The following NXPE4 variants were observed in gnomAD, a reference collection of about 807,000 sequenced individuals.
NXPE4 encodes the protein neurexophilin and PC-esterase domain family member 4.
In NXPE4, 42 loss-of-function variants were observed where a neutral mutation model predicts 33.3. The observed-to-expected ratio is 1.26, with a 90% CI of 0.98 to 1.63. The LOEUF (loss-of-function observed/expected upper bound fraction) is 1.63. Ranked by LOEUF, NXPE4 falls within the 40% of genes most tolerant of loss-of-function variation. NXPE4 has a pLI of 0.00. For synonymous variants in NXPE4, 253 were observed against 234.9 expected (o/e 1.08, Z -0.71); for missense variants, 709 against 647.6 (o/e 1.09, Z -1.03).
chr11:114,642,052 A>G, the NXPE4 span, among the ~76,000 whole-genome samples: 1 of 152,122 alleles, frequency 6.6e-6, no homozygotes, highest in Non-Finnish European at 1.5e-5. Context: ...TTCTTTCCAA[A>G]GAATACAGCA....
At chr11:114,581,840 A>C (rs745728625) in intron 3 of NXPE4, 54 bp from the exon 4 acceptor site, 1 of 1,203,038 alleles carries the variant, frequency 8.3e-7, no homozygotes, top group Non-Finnish European at 1.2e-6. Context: ...ATCAGGAAAC[A>C]TACAGAAACT....
chr11:114,612,086 A>G, the NXPE4 span, among the ~76,000 whole-genome samples: 1 of 151,610 alleles, frequency 6.6e-6, no homozygotes, highest in Non-Finnish European at 1.5e-5. Flanking sequence ...GTGGATAATA[A>G]GTGTTGAGTC....
At chr11:114,610,918 T>G in the NXPE4 span, among the ~76,000 whole-genome samples, 1 of 151,830 alleles carries the variant, frequency 6.6e-6, no homozygotes, top group Non-Finnish European at 1.5e-5. Context: ...TGGTGGATAA[T>G]AAGTATTGCC....
At chr11:114,633,640 G>T in the NXPE4 span, among the ~76,000 whole-genome samples, 1 of 142,044 alleles carries the variant, frequency 7.0e-6, no homozygotes, top group Non-Finnish European at 1.5e-5. Context: ...ACTGTCCCCA[G>T]AGTGTGATGT....
the NXPE4 span, among the ~76,000 whole-genome samples, chr11:114,638,736 C>T: frequency 9.9e-5 from 15 of 152,158 alleles, 1 homozygote; most frequent in African/African-American, 1.4e-4. Context: ...CTACTCCAGA[C>T]CCTGTTTGCC....
chr11:114,651,531 C>G, the NXPE4 span, among the ~76,000 whole-genome samples: 1 of 152,196 alleles, frequency 6.6e-6, no homozygotes, highest in Non-Finnish European at 1.5e-5. Context: ...GGAAGAGAAT[C>G]CGAAAAGATT....
rs1486016663 is a variant in NXPE4 at position 114,595,785 on chromosome 11, G to A, written c.-204C>T. The stretch of plus-strand genomic sequence containing the variant: ...TCTGCTTGTTTCAGCTAAGACAGAA[G>A]TGTCAGCCACGTCAGCTCCACCTTA... On this transcript the variant is annotated 5_prime_UTR_variant, in exon 1 of 6. Transcript: ENST00000375478. 2 of 152,308 alleles carry A rather than the reference G, an allele frequency of 1.3e-5. No individual in the cohort carries two copies. Among genetic ancestry groups the A allele is most frequent in the South Asian group, 2.1e-4 (1 of 4,828 alleles). 9.4% of individuals were successfully genotyped at this position (152,308 alleles called of 1,614,324 possible). A position where few individuals can be genotyped will look rare whatever the true frequency, so the allele number is the denominator to read the frequency against.
chr11:114,582,386 C>T lies in NXPE4; in HGVS notation c.732G>A (p.Val244=), dbSNP rs1949167612. The change falls in exon 3 of 6, where the codon GTG becomes GTA. Residue 244 remains valine (V), a synonymous_variant. Transcript: ENST00000375478. ...DNRDQEGFYC[V]RPQHMPCAAL... ...CAGCACAGGGCATGTGTTGAGGCCT[C>T]ACACAGTAGAAGCCTTCTTGGTCTC... The T allele has an allele frequency of 6.2e-7, 1 of 1,614,224 alleles. No homozygotes were observed. Among genetic ancestry groups the T allele is most frequent in the East Asian group, 2.2e-5 (1 of 44,894 alleles).
At chr11:114,600,687 G>A (rs1054618343), upstream of NXPE4, among the ~76,000 whole-genome samples, 1 of 151,956 alleles carries the variant, frequency 6.6e-6, no homozygotes, top group African/African-American at 2.4e-5. Context: ...ATAGAAGAAG[G>A]ACATTAACGG....
chr11:114,639,857 T>TATTATATTAAATATAA, the NXPE4 span, among the ~76,000 whole-genome samples: 2 of 80,596 alleles, frequency 2.5e-5, no homozygotes, highest in African/African-American at 5.4e-5. Flanking sequence ...ATATAATATA[T>TATTATATTAAATATAA]ATTATATTTT....
the NXPE4 span, among the ~76,000 whole-genome samples, chr11:114,677,845 C>T: frequency 2.0e-5 from 3 of 151,912 alleles, no homozygotes; most frequent in African/African-American, 7.3e-5. Context: ...GAGTGTGGCC[C>T]GTGTGTTATG....
At chr11:114,602,225 GATTATAT>G in the NXPE4 span, among the ~76,000 whole-genome samples, 1 of 102,966 alleles carries the variant, frequency 9.7e-6, no homozygotes, top group South Asian at 2.9e-4. Flanking sequence ...ATATGTTATA[GATTATAT>G]ATTATACTAT....
At chr11:114,620,090 G>A in the NXPE4 span, among the ~76,000 whole-genome samples, 1 of 151,102 alleles carries the variant, frequency 6.6e-6, no homozygotes, top group African/African-American at 2.4e-5. Flanking sequence ...GTTGCCTCTT[G>A]GGTAACCACT....
intron 5 of NXPE4, among the ~76,000 whole-genome samples, chr11:114,574,695 T>A (rs988795170): frequency 6.6e-6 from 1 of 151,938 alleles, no homozygotes; most frequent in Admixed American, 6.6e-5. Context: ...GAGATTGAAA[T>A]GATAGTTAAA....
chr11:114,674,107 AAACAAACAAACAAACAAAC>A, the NXPE4 span, among the ~76,000 whole-genome samples: 1 of 106,070 alleles, frequency 9.4e-6, no homozygotes, highest in South Asian at 2.8e-4. Context: ...ACAAACAAAC[AAACAAACAAACAAACAAAC>A]AAGTGAACAA....
the NXPE4 span, among the ~76,000 whole-genome samples, chr11:114,601,651 A>G: frequency 2.7e-5 from 2 of 74,266 alleles, no homozygotes; most frequent in African/African-American, 1.2e-4. Context: ...ATATAATTAT[A>G]TATTATAAAT....
At chr11:114,587,974 G>A (rs757930032) in intron 2 of NXPE4, among the ~76,000 whole-genome samples, 8 of 152,102 alleles carry the variant, frequency 5.3e-5, no homozygotes, top group Non-Finnish European at 8.8e-5. Context: ...TCTGTAGATG[G>A]GACAGCAAAT....
chr11:114,611,971 G>A, the NXPE4 span, among the ~76,000 whole-genome samples: 11 of 151,864 alleles, frequency 7.2e-5, no homozygotes, highest in Admixed American at 2.0e-4. Context: ...GTATTGCCTC[G>A]TGGGTAACCA....
chr11:114,585,458 C>G (rs1226204104), intron 2 of NXPE4, among the ~76,000 whole-genome samples: 1 of 151,714 alleles, frequency 6.6e-6, no homozygotes, highest in Non-Finnish European at 1.5e-5. Context: ...CAAATGGAAA[C>G]CAAAAGAGAG....
Sources: allele counts gnomAD v4.1 joint callset (sites outside exome capture counted in the v4.1 genomes callset), GRCh38; gene constraint gnomAD v4.1.1; transcripts MANE v1.5; gene names NCBI Gene and HGNC (gene_info 2026-07-23, HGNC 2026-07-21).